The following RPE variants were observed in gnomAD, a reference collection of about 807,000 sequenced individuals.
RPE encodes the protein ribulose-phosphate 3-epimerase.
A neutral mutation model predicts 24.6 loss-of-function variants in RPE; 16 were observed. That is an observed-to-expected ratio of 0.65 (90% confidence interval 0.44 to 0.99). The LOEUF (loss-of-function observed/expected upper bound fraction) is 0.99. Among genes scored for constraint, RPE ranks in the 50% least tolerant of loss-of-function variants. The probability of loss-of-function intolerance (pLI) is 0.00; values close to 1 mark genes in which losing one functional copy is unlikely to be tolerated. For missense variants in RPE, 240 were observed against 294.5 expected, an observed-to-expected ratio of 0.81 and a Z score of 1.35; for synonymous variants, 93 against 98.4, an observed-to-expected ratio of 0.94 and a Z score of 0.33.
chr2:210,016,122 C>G lies in RPE; in HGVS notation c.342+10C>G, dbSNP rs756842580. ...GGAGAATGGGATGAAGGTAAGAAAT[C>G]GTGATGAGAGTGTTTTGTAACATTC... is the stretch of plus-strand genomic sequence containing the variant. On this transcript the variant is annotated intron_variant, in intron 3 of 5. Coordinates refer to ENST00000359429, the MANE Select transcript of RPE (RefSeq NM_199229.3). 1.9e-5 allele frequency: 30 copies of G among 1,613,992 alleles called. No homozygotes were observed. The highest frequency in any genetic ancestry group is 2.3e-5 in the Non-Finnish European group (27 of 1,180,032).
chr2:210,014,860 A>G (rs2093748951), intron 2 of RPE, among the ~76,000 whole-genome samples: 1 of 152,026 alleles, frequency 6.6e-6, no homozygotes, highest in Non-Finnish European at 1.5e-5. Flanking sequence ...TCTCCTCACT[A>G]CCATCTATCA....
At chr2:210,016,264 A>G (rs760815010) in intron 3 of RPE, 152 bp downstream of exon 3, 2 of 1,613,872 alleles carry the variant, frequency 1.2e-6, no homozygotes, top group Admixed American at 1.7e-5. Flanking sequence ...GCAGGTAAAG[A>G]ATACCTTACT....
At position 210,020,517 on chromosome 2, in the gene RPE, C is replaced by T. The variant is rs1476636413; in HGVS notation, c.*726C>T. 1 of 166,854 alleles carries T rather than the reference C, an allele frequency of 6.0e-6. No homozygotes were observed. The highest frequency in any genetic ancestry group is 6.6e-5 in the Admixed American group (1 of 15,266). 10.3% of individuals were successfully genotyped at this position (166,854 alleles called of 1,614,324 possible). On this transcript the variant is annotated 3_prime_UTR_variant, in exon 6 of 6. Transcript: ENST00000359429. ...ATATTGGGTTGAATTCTGACTGCCCCTTTCTAGCTGGACCTTTAACAAATC... is the reference window on the plus strand; with the variant it reads ...ATATTGGGTTGAATTCTGACTGCCCTTTTCTAGCTGGACCTTTAACAAATC...
chr2:210,007,937 T>G (rs890218966), intron 1 of RPE, among the ~76,000 whole-genome samples: 1 of 152,144 alleles, frequency 6.6e-6, no homozygotes, highest in Non-Finnish European at 1.5e-5. Context: ...AAGGGTAAAG[T>G]GGCAATAGGA....
In RPE at chr2:210,015,973, A is replaced by G. The variant is rs1424888991; in HGVS notation, c.203A>G (p.Asp68Gly). 1 of 1,613,588 alleles carries G rather than the reference A, an allele frequency of 6.2e-7. No individual in the cohort carries two copies. Among genetic ancestry groups the G allele is most frequent in the African/African-American group, 1.3e-5 (1 of 74,914 alleles). Residue 68 changes from aspartate to glycine, a missense_variant and splice_region_variant, in exon 3 of 6, where the codon GAC becomes GGC. Physicochemically the swap from Asp to Gly is moderately conservative, Grantham distance 94 (BLOSUM62 -1). Coordinates refer to ENST00000359429, the MANE Select transcript of RPE (RefSeq NM_199229.3). ...RKQLGQDPFF[D>G]MHMMVSKPEQ... ...ATTTTGAAGTGTCTTTTCTTTCTAGACATGCACATGATGGTGTCCAAGCCA... is the reference window on the plus strand; with the variant it reads ...ATTTTGAAGTGTCTTTTCTTTCTAGGCATGCACATGATGGTGTCCAAGCCA...
chr2:210,003,418 CCTGT>C (rs1196208268), intron 1 of RPE: 14 of 1,279,290 alleles, frequency 1.1e-5, no homozygotes, highest in Non-Finnish European at 1.4e-5. Flanking sequence ...TTCTGATTTT[CCTGT>C]CTATTTTCTC....
chr2:210,007,883 T>C (rs1047344787), intron 1 of RPE, among the ~76,000 whole-genome samples: 3 of 152,246 alleles, frequency 2.0e-5, no homozygotes, highest in Admixed American at 6.5e-5. Context: ...GTGAGTGTTA[T>C]TCCATTCTGT....
At chr2:210,019,602 A>G (rs778279435) in intron 5 of RPE, 67 bp from the exon 6 acceptor site, 13 of 1,571,064 alleles carry the variant, frequency 8.3e-6, no homozygotes, top group African/African-American at 1.4e-5. Flanking sequence ...ACTCTAGTCC[A>G]GGAATTCTGT....
At chr2:210,006,329 T>A (rs1194096923) in intron 1 of RPE, among the ~76,000 whole-genome samples, 2 of 152,208 alleles carry the variant, frequency 1.3e-5, no homozygotes, top group Admixed American at 6.5e-5. Context: ...GGTTACTGTT[T>A]GGCAAATTTG....
intron 1 of RPE, among the ~76,000 whole-genome samples, chr2:210,006,929 T>C (rs2093638836): frequency 6.6e-6 from 1 of 152,238 alleles, no homozygotes; most frequent in Admixed American, 6.5e-5. Flanking sequence ...CTCTCAGATG[T>C]GTCCTGAATC....
intron 2 of RPE, among the ~76,000 whole-genome samples, chr2:210,015,455 G>A (rs944786520): frequency 6.6e-6 from 1 of 152,096 alleles, no homozygotes; most frequent in Non-Finnish European, 1.5e-5. Context: ...AACCTAGTGT[G>A]CATTTTACTT....
chr2:210,017,410 C>T, intron 4 of RPE, 63 bp from the exon 5 acceptor site: 3 of 1,182,258 alleles, frequency 2.5e-6, no homozygotes, highest in Non-Finnish European at 3.6e-6. Context: ...GATTGTCCCC[C>T]ACCCCCACCC....
chr2:210,021,323 C>G lies in RPE; in HGVS notation c.*1532C>G, dbSNP rs2093851689. Reference sequence around the variant, plus strand: ...GACTAGAGCTTGCTTGGGTTTCTTCCTGCATTACAAGGTAAAAATTTGTTA... The same window carrying G: ...GACTAGAGCTTGCTTGGGTTTCTTCGTGCATTACAAGGTAAAAATTTGTTA... On this transcript the variant is annotated 3_prime_UTR_variant, in exon 6 of 6. Transcript: ENST00000359429. 6.6e-6 allele frequency: 1 copy of G among 152,140 alleles called. No individual in the cohort carries two copies. Among genetic ancestry groups the G allele is most frequent in the Admixed American group, 6.6e-5 (1 of 15,262 alleles). The allele number at this position is 152,140 out of a possible 1,614,324, so 9.4% of individuals were successfully genotyped here. A position where few individuals can be genotyped will look rare whatever the true frequency, so the allele number is the denominator to read the frequency against.
intron 1 of RPE, among the ~76,000 whole-genome samples, chr2:210,005,890 T>A (rs1485355593): frequency 6.6e-6 from 1 of 152,216 alleles, no homozygotes; most frequent in Non-Finnish European, 1.5e-5. Context: ...ATCCTCCTCT[T>A]ACCATCTTTG....
chr2:210,013,312 CTTTTT>C (rs376550426), intron 2 of RPE, among the ~76,000 whole-genome samples: 1 of 137,080 alleles, frequency 7.3e-6, no homozygotes. Context: ...TAGAGTTATC[CTTTTT>C]TTTTTTTTTT....
chr2:210,008,595 G>A (rs140542711), intron 1 of RPE, among the ~76,000 whole-genome samples: 2 of 16,938 alleles, frequency 1.2e-4, no homozygotes, highest in Non-Finnish European at 0.01. Context: ...GCCCGGCCCC[G>A]GTTTTGTTAA....
At chr2:210,018,237 G>GA in intron 5 of RPE, 2 of 1,525,430 alleles carry the variant, frequency 1.3e-6, no homozygotes, top group African/African-American at 1.4e-5. Context: ...ACCAAGGGGG[G>GA]AAAATAGATA....
Position 210,022,029 on chromosome 2 carries a change from C to CTGAT in RPE, c.*2239_*2242dup, listed in dbSNP as rs772963059. 5.6e-5 allele frequency: 8 copies of CTGAT among 141,842 alleles called. No homozygotes were observed. Among genetic ancestry groups the CTGAT allele is most frequent in the South Asian group, 2.2e-4 (1 of 4,586 alleles). 8.8% of individuals were successfully genotyped at this position (141,842 alleles called of 1,614,324 possible). A position where few individuals can be genotyped will look rare whatever the true frequency, so the allele number is the denominator to read the frequency against. On this transcript the variant is annotated 3_prime_UTR_variant, in exon 6 of 6. Coordinates refer to ENST00000359429, the MANE Select transcript of RPE (RefSeq NM_199229.3). ...TTTTTTTTTTTTTTCAAATTTTATA[C>CTGAT]TGATAGGGCTTTACTGTTTGTGGCT...
intron 1 of RPE, among the ~76,000 whole-genome samples, chr2:210,008,002 AG>A (rs2093652472): frequency 6.6e-6 from 1 of 152,220 alleles, no homozygotes; most frequent in Non-Finnish European, 1.5e-5. Context: ...TTGCACTCAC[AG>A]TCTGGTGGTG....
Sources: allele counts gnomAD v4.1 joint callset (sites outside exome capture counted in the v4.1 genomes callset), GRCh38; gene constraint gnomAD v4.1.1; transcripts MANE v1.5; gene names NCBI Gene and HGNC (gene_info 2026-07-23, HGNC 2026-07-21).